MGST1: variants seen among roughly 807,000 people sequenced by gnomAD.
MGST1 encodes glutathione S-transferase 12.
In MGST1, 5 loss-of-function variants were observed where a neutral mutation model predicts 8.9. That is an observed-to-expected ratio of 0.56 (90% CI 0.29 to 1.19). The LOEUF (loss-of-function observed/expected upper bound fraction) is 1.19. Ranked by LOEUF, MGST1 falls within the 50% of genes most tolerant of loss-of-function variation. The probability of loss-of-function intolerance (pLI) is 0.08; values close to 1 mark genes in which losing one functional copy is unlikely to be tolerated. For missense variants in MGST1, 182 were observed against 187.4 expected (o/e 0.97, Z 0.17); for synonymous variants, 54 against 67.8 (o/e 0.80, Z 1.00).
intron 4 of MGST1, among the ~76,000 whole-genome samples, chr12:16,502,051 C>T (rs1014598690): frequency 6.6e-5 from 10 of 152,078 alleles, no homozygotes; most frequent in South Asian, 4.1e-4. Flanking sequence ...AGCTCAAATC[C>T]GAACAAATAA....
At chr12:16,509,301 T>C (rs1284690839) in intron 4 of MGST1, among the ~76,000 whole-genome samples, 1 of 152,148 alleles carries the variant, frequency 6.6e-6, no homozygotes, top group African/African-American at 2.4e-5. Context: ...AAACAATAGA[T>C]TTTCAATGGA....
At chr12:16,521,166 C>T (rs1285745674) in intron 4 of MGST1, among the ~76,000 whole-genome samples, 1 of 152,052 alleles carries the variant, frequency 6.6e-6, no homozygotes, top group East Asian at 1.9e-4. Flanking sequence ...ATACTTAATG[C>T]AGCTGCTTTA....
downstream of MGST1, among the ~76,000 whole-genome samples, chr12:16,365,240 C>T (rs1427901054): frequency 7.1e-6 from 1 of 141,644 alleles, no homozygotes; most frequent in African/African-American, 2.7e-5. Flanking sequence ...AACTATGTAG[C>T]ACGTAAATCA....
chr12:16,400,839 T>G, intron 1 of MGST1: 1 of 1,211,398 alleles, frequency 8.3e-7, no homozygotes, highest in Non-Finnish European at 1.2e-6. Flanking sequence ...TCGATGTAGA[T>G]CTTCATTTCC....
At chr12:16,415,017 T>G (rs1016410560) in intron 1 of MGST1, among the ~76,000 whole-genome samples, 17 of 152,142 alleles carry the variant, frequency 1.1e-4, no homozygotes, top group Admixed American at 9.2e-4. Flanking sequence ...AGAGCAAAAC[T>G]TCGCCTCAAA....
At chr12:16,394,862 G>A (rs1348596203) in intron 1 of MGST1, among the ~76,000 whole-genome samples, 1 of 152,066 alleles carries the variant, frequency 6.6e-6, no homozygotes. Context: ...CTCCCACAGT[G>A]CTGGGATTAC....
Position 16,587,527 on chromosome 12 carries a change from G to T in MGST1, n.483-2001G>T, listed in dbSNP as rs960983356. 6.6e-6 allele frequency among the ~76,000 whole-genome samples: 1 copy of T among 151,696 alleles called. No homozygotes were observed. The highest frequency in any genetic ancestry group is 1.5e-5 in the Non-Finnish European group (1 of 67,950). On this transcript the variant is annotated intron_variant and non_coding_transcript_variant, in intron 4 of 4. Coordinates refer to the MGST1 transcript ENST00000538857. The surrounding 1 kb of genome is among the most constrained non-coding windows in gnomAD (Gnocchi z 4.3). ...TGCCTCTTTTTTAAATAAACCCCTGGCCTTGAGTTTTGGCCCCTTAATAGT... is the reference window on the plus strand; with the variant it reads ...TGCCTCTTTTTTAAATAAACCCCTGTCCTTGAGTTTTGGCCCCTTAATAGT...
At chr12:16,438,450 G>A (rs1180640052) in exon 2 of MGST1, 1 of 151,844 alleles carries the variant, frequency 6.6e-6, no homozygotes, top group African/African-American at 2.4e-5. Flanking sequence ...TAGAAAAGGG[G>A]TTTCAGACGT....
At chr12:16,536,992 T>G (rs1941760353) in intron 4 of MGST1, among the ~76,000 whole-genome samples, 1 of 152,184 alleles carries the variant, frequency 6.6e-6, no homozygotes, top group South Asian at 2.1e-4. Flanking sequence ...AAGGCTGAAC[T>G]CATTTTGGCA....
chr12:16,355,697 G>T (rs1939688293), intron 2 of MGST1, among the ~76,000 whole-genome samples: 1 of 152,314 alleles, frequency 6.6e-6, no homozygotes, highest in South Asian at 2.1e-4. Flanking sequence ...AATTTGGAGA[G>T]TGCCGGGAGC....
intron 4 of MGST1, among the ~76,000 whole-genome samples, chr12:16,568,631 T>C (rs1421815708): frequency 6.6e-6 from 1 of 152,378 alleles, no homozygotes; most frequent in East Asian, 1.9e-4. Flanking sequence ...TTTGAAAATA[T>C]TGATTACACA....
chr12:16,379,509 T>C (rs1172880226), downstream of MGST1, among the ~76,000 whole-genome samples: 1 of 152,218 alleles, frequency 6.6e-6, no homozygotes, highest in Non-Finnish European at 1.5e-5. Flanking sequence ...CACTTGATCA[T>C]GGTGGATAAG....
In MGST1 at chr12:16,582,723, A is replaced by T. The variant is rs1943198533; in HGVS notation, n.483-6805A>T. On this transcript the variant is annotated intron_variant and non_coding_transcript_variant, in intron 4 of 4. Transcript: ENST00000538857. This position sits in a 1 kb window ranked among gnomAD's most constrained non-coding sequence, Gnocchi z 4.1. ...CTAGGTACGGTCCCTCACTCTTTTA[A>T]GTATCTGATTGGGATGAGACGCCCA... Among the ~76,000 whole-genome samples the T allele has an allele frequency of 6.6e-6, 1 of 152,160 alleles. No individual in the cohort carries two copies. The highest frequency in any genetic ancestry group is 2.4e-5 in the African/African-American group (1 of 41,440).
intron 1 of MGST1, chr12:16,400,612 G>A (rs1403482173): frequency 1.3e-5 from 15 of 1,190,898 alleles, no homozygotes; most frequent in East Asian, 4.7e-5. Context: ...CCCGGTCATC[G>A]TATGACGCTT....
At chr12:16,421,672 T>C (rs537594226) in intron 1 of MGST1, among the ~76,000 whole-genome samples, 2 of 152,292 alleles carry the variant, frequency 1.3e-5, no homozygotes, top group Admixed American at 6.5e-5. Flanking sequence ...ATGGGATAGG[T>C]CCATGGACGT....
chr12:16,460,440 A>G (rs1941209615), intron 4 of MGST1, among the ~76,000 whole-genome samples: 1 of 152,014 alleles, frequency 6.6e-6, no homozygotes, highest in African/African-American at 2.4e-5. Flanking sequence ...CAAGATGGGA[A>G]GTTGCTGACT....
At chr12:16,478,462 G>A (rs1335439451) in intron 4 of MGST1, among the ~76,000 whole-genome samples, 1 of 152,082 alleles carries the variant, frequency 6.6e-6, no homozygotes, top group East Asian at 1.9e-4. Context: ...CTTAACTCAT[G>A]ACTTTGTAGT....
At chr12:16,580,168 G>A (rs1166782138) in intron 4 of MGST1, among the ~76,000 whole-genome samples, 3 of 152,092 alleles carry the variant, frequency 2.0e-5, no homozygotes, top group Admixed American at 1.3e-4. Context: ...ATCTCTCTAT[G>A]TTGCCCAGGC....
At position 16,363,826 on chromosome 12, in the gene MGST1, C is replaced by G. The variant is rs1286141159; in HGVS notation, c.253C>G (p.Pro85Ala). 2 of 1,609,854 alleles carry G rather than the reference C, an allele frequency of 1.2e-6. No individual in the cohort carries two copies. The highest frequency in any genetic ancestry group is 1.7e-6 in the Non-Finnish European group (2 of 1,176,708). The stretch of plus-strand genomic sequence containing the variant: ...CCTGAATGACCTTGAAAATATTATT[C>G]CATTTCTTGGAATTGGCCTCCTGTA... ...AHLNDLENII[P>A]FLGIGLLYSL... is the part of the protein sequence containing the mutation. Residue 85 changes from proline to alanine, a missense_variant, in exon 4 of 4, where the codon CCA becomes GCA. By Grantham distance (27) the Pro-to-Ala change is conservative. Coordinates refer to ENST00000396210, the MANE Select transcript of MGST1 (RefSeq NM_020300.5). The surrounding 1 kb of genome is among the most constrained non-coding windows in gnomAD (Gnocchi z 4.6).
Sources: allele counts gnomAD v4.1 joint callset (sites outside exome capture counted in the v4.1 genomes callset), GRCh38; gene constraint gnomAD v4.1.1; non-coding constraint Gnocchi (gnomAD v3.1); transcripts MANE v1.5; gene names NCBI Gene and HGNC (gene_info 2026-07-23, HGNC 2026-07-21).